The following PRUNE2 variants were observed in gnomAD, a reference collection of about 807,000 sequenced individuals.
PRUNE2 encodes the protein prune homolog 2 with BCH domain, also known as protein prune homolog 2.
A neutral mutation model predicts 252.0 loss-of-function variants in PRUNE2; 164 were observed. The observed-to-expected ratio is 0.65, with a 90% CI of 0.57 to 0.74. The LOEUF (loss-of-function observed/expected upper bound fraction) is 0.74. PRUNE2 is among the 30% of genes least tolerant of loss of function. The probability of loss-of-function intolerance (pLI) is 0.00; values close to 1 mark genes in which losing one functional copy is unlikely to be tolerated. For synonymous variants in PRUNE2, 1,292 were observed against 1,350.2 expected, an observed-to-expected ratio of 0.96 and a Z score of 0.94; for missense variants, 3,495 against 3,711.0, an observed-to-expected ratio of 0.94 and a Z score of 1.51.
At chr9:76,728,533 C>T (rs1218707685) in intron 6 of PRUNE2, among the ~76,000 whole-genome samples, 2 of 152,210 alleles carry the variant, frequency 1.3e-5, no homozygotes, top group African/African-American at 4.8e-5. Flanking sequence ...ATTGTCTACA[C>T]ATAGTTTCTA....
At chr9:76,780,482 T>A (rs2054256718) in intron 6 of PRUNE2, among the ~76,000 whole-genome samples, 1 of 151,812 alleles carries the variant, frequency 6.6e-6, no homozygotes. Context: ...GGCCAGGAGA[T>A]CAAGACCATC....
chr9:76,864,439 G>A (rs1360465090), intron 1 of PRUNE2, among the ~76,000 whole-genome samples: 1 of 151,450 alleles, frequency 6.6e-6, no homozygotes, highest in Non-Finnish European at 1.5e-5. Flanking sequence ...GTATTCCCTG[G>A]ATCCTAAAGA....
At chr9:76,616,717 T>G (rs2131865570) in intron 18 of PRUNE2, among the ~76,000 whole-genome samples, 1 of 152,332 alleles carries the variant, frequency 6.6e-6, no homozygotes, top group East Asian at 1.9e-4. Flanking sequence ...AATTTTCTTG[T>G]AAGTAAATAC....
chr9:76,823,590 G>T, intron 6 of PRUNE2, 42 bp downstream of exon 6: 1 of 1,139,620 alleles, frequency 8.8e-7, no homozygotes, highest in Non-Finnish European at 1.3e-6. Flanking sequence ...GACTGCAATT[G>T]TGGGAAATCA....
intron 1 of PRUNE2, among the ~76,000 whole-genome samples, chr9:76,879,211 T>C (rs1036930156): frequency 2.0e-5 from 3 of 152,246 alleles, no homozygotes; most frequent in African/African-American, 2.4e-5. Flanking sequence ...GTGGTCTGTA[T>C]GAGAGAGACA....
intron 6 of PRUNE2, among the ~76,000 whole-genome samples, chr9:76,782,998 T>A (rs2054584874): frequency 6.6e-6 from 1 of 152,226 alleles, no homozygotes; most frequent in African/African-American, 2.4e-5. Context: ...TCCCCCATGT[T>A]ACGTGTCATT....
In PRUNE2 at chr9:76,708,545, T is replaced by C; in HGVS notation, c.3729A>G (p.Ser1243=). 6.2e-7 allele frequency: 1 copy of C among 1,613,978 alleles called. No individual in the cohort carries two copies. Among genetic ancestry groups the C allele is most frequent in the Non-Finnish European group, 8.5e-7 (1 of 1,179,880 alleles). The change falls in exon 8 of 19, where the codon TCA becomes TCG. Residue 1243 remains serine (S), a synonymous_variant. Transcript: ENST00000376718. ...TTTCAGGAGGCAATTCCCTTTGCTC[T>C]GAATCTGTGATATGTGAGGAGCCTG... The part of the protein sequence containing the change: ...MLPGSSHITD[S]EQRELPPEIP...
intron 9 of PRUNE2, among the ~76,000 whole-genome samples, chr9:76,697,559 G>C (rs2045504561): frequency 6.6e-6 from 1 of 152,168 alleles, no homozygotes; most frequent in South Asian, 2.1e-4. Context: ...TGAGGAGTCA[G>C]GCATGGGTTC....
intron 6 of PRUNE2, among the ~76,000 whole-genome samples, chr9:76,742,328 G>T (rs1588963450): frequency 6.6e-6 from 1 of 152,094 alleles, no homozygotes; most frequent in Admixed American, 6.5e-5. Context: ...TTAGAAGAAA[G>T]TGAGGCTGGG....
In PRUNE2 at chr9:76,705,249, A is replaced by G. The variant is rs539322667; in HGVS notation, c.7025T>C (p.Ile2342Thr). 3.7e-6 allele frequency: 6 copies of G among 1,614,038 alleles called. No individual in the cohort carries two copies. Among genetic ancestry groups the G allele is most frequent in the East Asian group, 4.5e-5 (2 of 44,882 alleles). Residue 2342 changes from isoleucine (I) to threonine (T), a missense_variant, in exon 8 of 19, where the codon ATC becomes ACC. By Grantham distance (89) the Ile-to-Thr change is moderately conservative (BLOSUM62 -1). Coordinates refer to ENST00000376718, the MANE Select transcript of PRUNE2 (RefSeq NM_015225.3). ...ACCCCACGAGGCTTCAGATGAGCAG[A>G]TATCTTGCTTCCCTAGGTCCCCATC... ...PVDGDLGKQD[I>T]CSSEASWGDF...
intron 6 of PRUNE2, among the ~76,000 whole-genome samples, chr9:76,779,159 T>C (rs772086398): frequency 2.0e-5 from 3 of 152,132 alleles, no homozygotes; most frequent in Non-Finnish European, 4.4e-5. Context: ...TGGGCAATAC[T>C]TATGTTCACA....
intron 11 of PRUNE2, 103 bp from the exon 12 acceptor site, chr9:76,645,012 G>C: frequency 9.3e-7 from 1 of 1,074,002 alleles, no homozygotes; most frequent in Non-Finnish European, 1.3e-6. Flanking sequence ...CCTACGGGCA[G>C]CCTTTGTTTT....
intron 6 of PRUNE2, among the ~76,000 whole-genome samples, chr9:76,792,386 A>G (rs1272221758): frequency 1.3e-5 from 2 of 151,992 alleles, no homozygotes; most frequent in Non-Finnish European, 2.9e-5. Context: ...TTTATAAACT[A>G]CCCAATCTCG....
At chr9:76,651,551 A>G (rs142928499) in intron 11 of PRUNE2, among the ~76,000 whole-genome samples, 1 of 152,214 alleles carries the variant, frequency 6.6e-6, no homozygotes, top group African/African-American at 2.4e-5. Context: ...TTCAAATATT[A>G]TAACTTCAGA....
Position 76,706,008 on chromosome 9 carries a change from A to G in PRUNE2, c.6266T>C (p.Ile2089Thr), listed in dbSNP as rs774465813. Reference protein sequence around the residue: ...SLKADGENPDILTHCEHDSNS... With the variant: ...SLKADGENPDTLTHCEHDSNS... ...GCTGTCATGTTCGCAGTGCGTCAGG[A>G]TATCAGGATTCTCACCATCTGCTTT... The change falls in exon 8 of 19, where the codon ATC becomes ACC. Residue 2089 changes from isoleucine (I) to threonine (T), a missense_variant. Physicochemically the swap from Ile to Thr is moderately conservative, Grantham distance 89 (BLOSUM62 -1). Coordinates refer to ENST00000376718, the MANE Select transcript of PRUNE2 (RefSeq NM_015225.3). 9 of 1,613,874 alleles carry G rather than the reference A, an allele frequency of 5.6e-6. No individual in the cohort carries two copies. The highest frequency in any genetic ancestry group is 7.6e-6 in the Non-Finnish European group (9 of 1,179,892).
At chr9:76,618,256 CT>C (rs1378028099) in intron 18 of PRUNE2, among the ~76,000 whole-genome samples, 2 of 152,156 alleles carry the variant, frequency 1.3e-5, no homozygotes, top group Non-Finnish European at 2.9e-5. Context: ...CCTAAACTTC[CT>C]TTAAGTTGCA....
rs955123905 is a variant in PRUNE2 at position 76,906,074 on chromosome 9, C to T, written c.-111G>A. 8.6e-7 allele frequency: 1 copy of T among 1,158,816 alleles called. No individual in the cohort carries two copies. The highest frequency in any genetic ancestry group is 1.3e-6 in the Non-Finnish European group (1 of 774,760). 71.8% of individuals were successfully genotyped at this position (1,158,816 alleles called of 1,614,324 possible). On this transcript the variant is annotated 5_prime_UTR_variant, in exon 1 of 19. Coordinates refer to ENST00000376718, the MANE Select transcript of PRUNE2 (RefSeq NM_015225.3). Reference sequence around the variant, plus strand: ...AAGTGGCCCGCCGGGGCGCAGCGACCGACTGCTCCCTCCTGCCGCTCTGAG... The same window carrying T: ...AAGTGGCCCGCCGGGGCGCAGCGACTGACTGCTCCCTCCTGCCGCTCTGAG...
intron 1 of PRUNE2, among the ~76,000 whole-genome samples, chr9:76,895,336 C>T (rs2062753459): frequency 6.6e-6 from 1 of 152,140 alleles, no homozygotes; most frequent in Admixed American, 6.5e-5. Flanking sequence ...CTTGTACGTG[C>T]TGAGGCCTAT....
At chr9:76,624,925 T>C in intron 16 of PRUNE2, 1 of 676,730 alleles carries the variant, frequency 1.5e-6, no homozygotes, top group South Asian at 1.5e-5. Context: ...ACTGATACAG[T>C]GACCTCTTGC....
Sources: allele counts gnomAD v4.1 joint callset (sites outside exome capture counted in the v4.1 genomes callset), GRCh38; gene constraint gnomAD v4.1.1; transcripts MANE v1.5; gene names NCBI Gene and HGNC (gene_info 2026-07-23, HGNC 2026-07-21).